NDRG1: variants seen among roughly 807,000 people sequenced by gnomAD.
NDRG1 encodes N-myc downstream regulated 1.
A neutral mutation model predicts 56.9 loss-of-function variants in NDRG1; 32 were observed. The ratio of observed to expected loss-of-function variants is 0.56; its 90% CI spans 0.42 to 0.76. The LOEUF (loss-of-function observed/expected upper bound fraction) is 0.76. Ranked by LOEUF, NDRG1 falls within the 30% of genes least tolerant of loss-of-function variation. NDRG1 has a pLI of 0.00. For synonymous variants in NDRG1, 211 were observed against 204.1 expected (o/e 1.03, Z -0.29); for missense variants, 507 against 545.7 (o/e 0.93, Z 0.71).
At chr8:133,254,076 C>CA (rs34461027) in intron 9 of NDRG1, among the ~76,000 whole-genome samples, 107 of 128,650 alleles carry the variant, frequency 8.3e-4, no homozygotes, top group South Asian at 2.0e-3. Flanking sequence ...GAAGCCAGAC[C>CA]AAAAAAAAAA....
chr8:133,266,237 G>A (rs1029486574), intron 3 of NDRG1, among the ~76,000 whole-genome samples: 1 of 152,248 alleles, frequency 6.6e-6, no homozygotes. Flanking sequence ...CGCAAGCGGC[G>A]CACACTCAGG....
chr8:133,295,014 T>C (rs1246225219), intron 1 of NDRG1, among the ~76,000 whole-genome samples: 5 of 152,144 alleles, frequency 3.3e-5, no homozygotes, highest in Non-Finnish European at 7.4e-5. Flanking sequence ...ATCTGTAAAA[T>C]GGAAAGAAGT....
chr8:133,264,631 G>T lies in NDRG1; in HGVS notation c.121C>A (p.His41Asn). ...CACAGCGTGACGTGAACAGAGCCAT[G>T]TAAAGTCTCGATGTCCTGCTCCTGA... ...DVQEQDIETL[H>N]GSVHVTLCGT... The change falls in exon 4 of 16, where the codon CAT becomes AAT. Residue 41 changes from histidine to asparagine, a missense_variant. His to Asn is a moderately conservative substitution (Grantham distance 68). Coordinates refer to ENST00000323851, the MANE Select transcript of NDRG1 (RefSeq NM_006096.4). 1 of 1,614,210 alleles carries T rather than the reference G, an allele frequency of 6.2e-7. No individual in the cohort carries two copies. Among genetic ancestry groups the T allele is most frequent in the South Asian group, 1.1e-5 (1 of 91,090 alleles).
At chr8:133,258,541 T>C (rs970098440) in intron 6 of NDRG1, 115 bp from the exon 7 acceptor site, 8 of 948,582 alleles carry the variant, frequency 8.4e-6, no homozygotes, top group Non-Finnish European at 1.2e-5. Context: ...GGGAGCATGC[T>C]GCCGTAACTG....
intron 1 of NDRG1, among the ~76,000 whole-genome samples, chr8:133,285,904 G>A (rs1192957898): frequency 1.3e-5 from 2 of 152,212 alleles, no homozygotes; most frequent in Non-Finnish European, 2.9e-5. Context: ...CCAAGACCCT[G>A]GCCTGTGGGA....
chr8:133,268,141 T>G (rs1857009479), intron 3 of NDRG1, among the ~76,000 whole-genome samples: 1 of 152,148 alleles, frequency 6.6e-6, no homozygotes, highest in Non-Finnish European at 1.5e-5. Flanking sequence ...TCTGCATAGC[T>G]GCCTGCTCTC....
intron 1 of NDRG1, among the ~76,000 whole-genome samples, chr8:133,291,037 G>T (rs1183751538): frequency 6.6e-6 from 1 of 152,206 alleles, no homozygotes; most frequent in Non-Finnish European, 1.5e-5. Context: ...TTTGTTGTGG[G>T]TGCAGGTGTG....
At chr8:133,276,211 C>G (rs1176411812) in intron 3 of NDRG1, among the ~76,000 whole-genome samples, 1 of 152,108 alleles carries the variant, frequency 6.6e-6, no homozygotes, top group Non-Finnish European at 1.5e-5. Flanking sequence ...GCGCCTTAGC[C>G]GACCCCAGCC....
At chr8:133,255,910 A>C (rs1856344516) in intron 8 of NDRG1, 1 of 154,098 alleles carries the variant, frequency 6.5e-6, no homozygotes, top group African/African-American at 2.4e-5. Context: ...CAAAAACAAA[A>C]ACACCACAAT....
At chr8:133,254,639 A>T (rs557296784) in intron 8 of NDRG1, 44 bp from the exon 9 acceptor site, 1 of 1,601,724 alleles carries the variant, frequency 6.2e-7, no homozygotes, top group East Asian at 2.2e-5. Flanking sequence ...AGGAGCTAAC[A>T]GTAGTTAACA....
At chr8:133,250,062 G>A (rs1855926483) in intron 10 of NDRG1, among the ~76,000 whole-genome samples, 1 of 152,206 alleles carries the variant, frequency 6.6e-6, no homozygotes, top group Non-Finnish European at 1.5e-5. Flanking sequence ...AAGCCTGCCT[G>A]GATTATCCCC....
intron 1 of NDRG1, among the ~76,000 whole-genome samples, chr8:133,287,075 T>C (rs1858161088): frequency 6.6e-6 from 1 of 152,210 alleles, no homozygotes; most frequent in South Asian, 2.1e-4. Context: ...GCCCTTACCT[T>C]GTCCCTGATG....
At chr8:133,242,532 G>A (rs561324186) in intron 14 of NDRG1, among the ~76,000 whole-genome samples, 1 of 152,308 alleles carries the variant, frequency 6.6e-6, no homozygotes, top group South Asian at 2.1e-4. Context: ...GATTTGGACA[G>A]GTAAATCCAC....
chr8:133,254,443 T>C, intron 9 of NDRG1, 96 bp downstream of exon 9: 2 of 1,328,322 alleles, frequency 1.5e-6, no homozygotes, highest in South Asian at 1.2e-5. Flanking sequence ...GTTGATTGTG[T>C]CTTGTTCTCT....
chr8:133,284,426 G>A (rs907230035), intron 1 of NDRG1, 97 bp from the exon 2 acceptor site: 75 of 1,058,928 alleles, frequency 7.1e-5, no homozygotes, highest in African/African-American at 1.6e-4. Context: ...CCAGGCCTGC[G>A]CTCTGCCCAG....
At chr8:133,286,873 C>A (rs1858146831) in intron 1 of NDRG1, among the ~76,000 whole-genome samples, 1 of 152,182 alleles carries the variant, frequency 6.6e-6, no homozygotes, top group South Asian at 2.1e-4. Flanking sequence ...ACTGTGGGGG[C>A]TGCAGGCCTC....
At chr8:133,283,729 T>C (rs988927531) in intron 2 of NDRG1, among the ~76,000 whole-genome samples, 1 of 152,208 alleles carries the variant, frequency 6.6e-6, no homozygotes, top group Non-Finnish European at 1.5e-5. Flanking sequence ...ATGAAGATAC[T>C]GAGAGGTTAG....
intron 9 of NDRG1, among the ~76,000 whole-genome samples, chr8:133,250,767 T>C (rs1855975771): frequency 6.6e-6 from 1 of 152,030 alleles, no homozygotes. Context: ...ACCCCCATCC[T>C]GGAAAGGCCA....
chr8:133,282,012 T>C (rs969272065), intron 2 of NDRG1, among the ~76,000 whole-genome samples: 7 of 152,156 alleles, frequency 4.6e-5, no homozygotes, highest in African/African-American at 1.7e-4. Context: ...TCTAAATACT[T>C]TGCTGAGTCA....
Sources: allele counts gnomAD v4.1 joint callset (sites outside exome capture counted in the v4.1 genomes callset), GRCh38; gene constraint gnomAD v4.1.1; transcripts MANE v1.5; gene names NCBI Gene and HGNC (gene_info 2026-07-23, HGNC 2026-07-21).